Variants in NTM observed in about 807,000 individuals in gnomAD.
The protein encoded by NTM is IgLON family member 2.
In NTM, 13 loss-of-function variants were observed where a neutral mutation model predicts 42.1. That is an observed-to-expected ratio of 0.31 (90% confidence interval 0.20 to 0.49). The LOEUF (loss-of-function observed/expected upper bound fraction) is 0.49. NTM is among the 20% of genes least tolerant of loss of function. The pLI is 0.99. For synonymous variants in NTM, 187 were observed against 179.2 expected (o/e 1.04, Z -0.35); for missense variants, 373 against 452.8 (o/e 0.82, Z 1.60).
chr11:132,259,687 A>G (rs1219922051), intron 4 of NTM, among the ~76,000 whole-genome samples: 1 of 152,142 alleles, frequency 6.6e-6, no homozygotes, highest in East Asian at 1.9e-4. Context: ...CTCAAAAAAC[A>G]AGAAGTTTTT....
chr11:132,335,122 C>G lies in NTM; in HGVS notation c.1044C>G (p.Val348=). The G allele has an allele frequency of 1.2e-6, 2 of 1,612,646 alleles. No individual in the cohort carries two copies. Among genetic ancestry groups the G allele is most frequent in the East Asian group, 4.5e-5 (2 of 44,832 alleles). The change falls in exon 9 of 9, where the codon GTC becomes GTG. Residue 348 remains valine, a synonymous_variant. Transcript: ENST00000683400. The stretch of plus-strand genomic sequence containing the variant: ...GCGTCTGGCTGCTGCCTCTTCTGGT[C>G]TTGCACCTGCTTCTCAAATTTTGAT... ...AGCVWLLPLL[V]LHLLLKF
chr11:131,850,280 T>C (rs747914248), intron 1 of NTM, among the ~76,000 whole-genome samples: 4 of 152,098 alleles, frequency 2.6e-5, no homozygotes, highest in African/African-American at 9.7e-5. Context: ...ATTCATTAGG[T>C]TAAATTTGCA....
chr11:131,687,765 G>T (rs990143118), intron 1 of NTM, among the ~76,000 whole-genome samples: 1 of 152,130 alleles, frequency 6.6e-6, no homozygotes, highest in African/African-American at 2.4e-5. Context: ...AGGCGAGGGG[G>T]CCCCTGGGTC....
chr11:131,452,090 T>G (rs1204415553), intron 1 of NTM, among the ~76,000 whole-genome samples: 11 of 152,202 alleles, frequency 7.2e-5, no homozygotes, highest in African/African-American at 2.7e-4. Context: ...GATTTGCACC[T>G]GGGGCACAGC....
intron 2 of NTM, among the ~76,000 whole-genome samples, chr11:132,010,283 C>T (rs770944583): frequency 2.6e-5 from 4 of 152,180 alleles, no homozygotes; most frequent in African/African-American, 4.8e-5. Context: ...AAAGCTATAG[C>T]CCCAGCTTTT....
chr11:131,689,512 G>A (rs1565428553), intron 1 of NTM, among the ~76,000 whole-genome samples: 1 of 152,250 alleles, frequency 6.6e-6, no homozygotes, highest in African/African-American at 2.4e-5. Context: ...AGACTCATGA[G>A]ATTCATCCCC....
intron 1 of NTM, among the ~76,000 whole-genome samples, chr11:131,645,085 G>C (rs2065608479): frequency 6.6e-6 from 1 of 152,016 alleles, no homozygotes; most frequent in Admixed American, 6.6e-5. Context: ...CAGACTCTAG[G>C]CCCTATTTTA....
chr11:131,578,338 A>G (rs1003140507), intron 1 of NTM, among the ~76,000 whole-genome samples: 1 of 152,202 alleles, frequency 6.6e-6, no homozygotes, highest in Admixed American at 6.5e-5. Context: ...TTCAGTTATG[A>G]TCTATCTAAC....
chr11:131,748,472 C>G (rs2082090172), intron 1 of NTM, among the ~76,000 whole-genome samples: 1 of 152,222 alleles, frequency 6.6e-6, no homozygotes, highest in Non-Finnish European at 1.5e-5. Flanking sequence ...TGAAAATTCA[C>G]ATTTCTTTGC....
At position 132,303,220 on chromosome 11, in the gene NTM, C is replaced by T. The variant is rs189576012; in HGVS notation, c.527-4469C>T. 4.6e-5 allele frequency among the ~76,000 whole-genome samples: 7 copies of T among 152,324 alleles called. No homozygotes were observed. The East Asian group carries it at 1.4e-3, about 29-fold the overall frequency. On this transcript the variant is annotated intron_variant, in intron 4 of 8. Transcript: ENST00000683400. ...GACTACTGTGACAAGGCACAAAAAACTGGGTGCTTTACAACAAGAAAACTG... is the reference window on the plus strand; with the variant it reads ...GACTACTGTGACAAGGCACAAAAAATTGGGTGCTTTACAACAAGAAAACTG...
intron 1 of NTM, among the ~76,000 whole-genome samples, chr11:131,464,574 A>G (rs1260196995): frequency 3.3e-5 from 5 of 151,356 alleles, no homozygotes; most frequent in Non-Finnish European, 7.4e-5. Flanking sequence ...CCTTTTCCTT[A>G]CTGCCCCCTC....
intron 2 of NTM, among the ~76,000 whole-genome samples, chr11:131,922,471 G>C (rs748355641): frequency 6.6e-6 from 1 of 152,162 alleles, no homozygotes; most frequent in Non-Finnish European, 1.5e-5. Context: ...ACTCCATCCT[G>C]CCCTTCCCTC....
intron 3 of NTM, among the ~76,000 whole-genome samples, chr11:132,209,350 C>T (rs2082466976): frequency 6.6e-6 from 1 of 152,214 alleles, no homozygotes; most frequent in African/African-American, 2.4e-5. Flanking sequence ...CATGTCCACT[C>T]TCCATTATTT....
chr11:131,436,075 G>A (rs1949102213), intron 1 of NTM, among the ~76,000 whole-genome samples: 2 of 152,172 alleles, frequency 1.3e-5, no homozygotes. Flanking sequence ...ATCTGTTTAT[G>A]TGATGGATTA....
intron 3 of NTM, among the ~76,000 whole-genome samples, chr11:132,205,430 T>A (rs1175897900): frequency 1.3e-5 from 2 of 152,356 alleles, no homozygotes; most frequent in Admixed American, 1.3e-4. Context: ...TTCCTCAGAA[T>A]ACTGTTTTAA....
At chr11:132,317,141 G>A (rs1186972691) in intron 7 of NTM, among the ~76,000 whole-genome samples, 2 of 152,154 alleles carry the variant, frequency 1.3e-5, no homozygotes, top group Admixed American at 1.3e-4. Context: ...CCCATCACAA[G>A]CACCTGATCG....
chr11:131,794,640 T>TGAAC (rs1428423793), intron 1 of NTM: 3 of 984,978 alleles, frequency 3.0e-6, no homozygotes, highest in African/African-American at 3.5e-5. Context: ...AATGAATGAA[T>TGAAC]GAATGAGTAG....
intron 1 of NTM, among the ~76,000 whole-genome samples, chr11:131,800,782 A>C (rs139516758): frequency 6.6e-6 from 1 of 152,248 alleles, no homozygotes; most frequent in Admixed American, 6.5e-5. Context: ...CAGACATCAC[A>C]ACCTCCAAAA....
intron 1 of NTM, among the ~76,000 whole-genome samples, chr11:131,670,320 C>CCTTT (rs113552382): frequency 9.6e-4 from 146 of 152,010 alleles, no homozygotes; most frequent in Middle Eastern, 3.4e-3. Context: ...TCAAATCTTT[C>CCTTT]CTTTCTTTCT....
Sources: allele counts gnomAD v4.1 joint callset (sites outside exome capture counted in the v4.1 genomes callset), GRCh38; gene constraint gnomAD v4.1.1; transcripts MANE v1.5; gene names NCBI Gene and HGNC (gene_info 2026-07-23, HGNC 2026-07-21).